Variants in PCK2 observed in about 807,000 individuals in gnomAD.
PCK2 encodes phosphoenolpyruvate carboxykinase 2, mitochondrial.
In PCK2, 56 loss-of-function variants were observed where a neutral mutation model predicts 65.9. That is an observed-to-expected ratio of 0.85 (90% CI 0.69 to 1.06). The LOEUF is 1.06. PCK2 is among the 50% of genes least tolerant of loss of function. PCK2 has a pLI of 0.00. For synonymous variants in PCK2, 305 were observed against 319.6 expected (o/e 0.95, Z 0.49); for missense variants, 843 against 863.1 (o/e 0.98, Z 0.29).
chr14:24,098,983 C>A (rs917516876), intron 4 of PCK2, 66 bp from the exon 5 acceptor site: 3 of 1,265,538 alleles, frequency 2.4e-6, no homozygotes, highest in Non-Finnish European at 3.4e-6. Flanking sequence ...ATCCCTGATC[C>A]CTCTGGCCCC....
At position 24,103,729 on chromosome 14, in the gene PCK2, AG is replaced by A. The variant is rs1294777562; in HGVS notation, c.1693del (p.Glu565ArgfsTer26). ...RVLDWICRRL[E>X]GEDSARETPI... is the part of the protein sequence containing the mutation. ...CTAGACTGGATCTGCCGGCGGTTAG[AG>A]GGGGAGGACAGTGCCCGAGAGACAC... On this transcript the variant is annotated frameshift_variant, in exon 10 of 10. Coordinates refer to ENST00000216780, the MANE Select transcript of PCK2 (RefSeq NM_004563.4). LOFTEE classifies it high-confidence loss of function. The A allele has an allele frequency of 1.2e-6, 2 of 1,613,848 alleles. No homozygotes were observed. Among genetic ancestry groups the A allele is most frequent in the African/African-American group, 1.3e-5 (1 of 74,756 alleles).
In PCK2 at chr14:24,103,141, C is replaced by G. The variant is rs2138975964; in HGVS notation, c.1373-19C>G. ...CCAAAGAAAAGGGCTGCCTGTGACT[C>G]TGTTCATTGGTGATCTAGGGGTACC... On this transcript the variant is annotated intron_variant, in intron 8 of 9. Transcript: ENST00000216780. 1.3e-6 allele frequency: 2 copies of G among 1,591,240 alleles called. No homozygotes were observed. The highest frequency in any genetic ancestry group is 1.7e-6 in the Non-Finnish European group (2 of 1,159,326).
At chr14:24,099,817 T>G in intron 6 of PCK2, 97 bp downstream of exon 6, 1 of 1,510,556 alleles carries the variant, frequency 6.6e-7, no homozygotes, top group Non-Finnish European at 9.2e-7. Context: ...GTGAGAAAGT[T>G]TCCTGAACAC....
intron 7 of PCK2, chr14:24,100,611 C>A: frequency 9.5e-7 from 1 of 1,051,858 alleles, no homozygotes; most frequent in Non-Finnish European, 1.2e-6. Flanking sequence ...GACTTTTGAA[C>A]ATTCTTACAG....
At chr14:24,102,623 C>T (rs2037205278) in intron 7 of PCK2, 130 bp from the exon 8 acceptor site, 6 of 738,032 alleles carry the variant, frequency 8.1e-6, no homozygotes, top group South Asian at 7.8e-5. Context: ...TGCTCCTTAT[C>T]ACACAAGGTT....
intron 1 of PCK2, 33 bp from the exon 2 acceptor site, chr14:24,096,859 G>A: frequency 6.3e-7 from 1 of 1,594,156 alleles, no homozygotes; most frequent in Non-Finnish European, 8.6e-7. Context: ...CTCGATGACA[G>A]CAACTAGCTC....
chr14:24,100,105 AC>A lies in PCK2; in HGVS notation c.1128del (p.Asn377MetfsTer25). 1 of 1,612,496 alleles carries A rather than the reference AC, an allele frequency of 6.2e-7. No individual in the cohort carries two copies. Among genetic ancestry groups the A allele is most frequent in the Non-Finnish European group, 8.5e-7 (1 of 1,179,134 alleles). ...TACAATCCAGAGTAACACTATTTTT[AC>A]CAATGTGGCTGAGACCAGTGATGGT... ...MATIQSNTIF[T>X]NVAETSDGGV... On this transcript the variant is annotated frameshift_variant, in exon 7 of 10. Transcript: ENST00000216780. LOFTEE classifies it high-confidence loss of function.
rs752109623 is a variant in PCK2 at position 24,099,624 on chromosome 14, G to A, written c.919G>A (p.Gly307Ser). ...YVAAAFPSAC[G>S]KTNLAMMRPA... ...GGCAGCCGCCTTCCCTAGTGCCTGT[G>A]GCAAGACCAACCTGGCTATGATGCG... The change falls in exon 6 of 10, where the codon GGC (glycine) becomes AGC (serine). Residue 307 changes from glycine to serine, a missense_variant. Gly to Ser is a moderately conservative substitution (Grantham distance 56). Transcript: ENST00000216780. The A allele has an allele frequency of 6.2e-7, 1 of 1,614,024 alleles. No individual in the cohort carries two copies. Among genetic ancestry groups the A allele is most frequent in the East Asian group, 2.2e-5 (1 of 44,888 alleles).
chr14:24,103,653 G>A lies in PCK2; in HGVS notation c.1612G>A (p.Asp538Asn), dbSNP rs1391686524. ...CTTCCATGTCAACTGGTTCCGGCGT[G>A]ACGAGGCAGGGCACTTCCTGTGGCC... ...RIFHVNWFRR[D>N]EAGHFLWPGF... is the part of the protein sequence containing the mutation. Residue 538 changes from aspartate (D) to asparagine (N), a missense_variant, in exon 10 of 10, where the codon GAC becomes AAC. Physicochemically the swap from Asp to Asn is conservative, Grantham distance 23. Coordinates refer to ENST00000216780, the MANE Select transcript of PCK2 (RefSeq NM_004563.4). 2.5e-6 allele frequency: 4 copies of A among 1,614,112 alleles called. No individual in the cohort carries two copies. The highest frequency in any genetic ancestry group is 3.4e-6 in the Non-Finnish European group (4 of 1,180,034).
In PCK2 at chr14:24,097,231, G is replaced by T; in HGVS notation, c.275+94G>T. ...TCAACTTAACTAGAACATCCCAATG[G>T]AATGAACAAGAATGAGAGCTTTGGG... is the stretch of plus-strand genomic sequence containing the variant. On this transcript the variant is annotated intron_variant, in intron 2 of 9. Coordinates refer to ENST00000216780, the MANE Select transcript of PCK2 (RefSeq NM_004563.4). The T allele has an allele frequency of 6.3e-6, 7 of 1,104,098 alleles. No homozygotes were observed. The South Asian group carries it at 8.5e-5, about 13-fold the overall frequency. The allele number at this position is 1,104,098 out of a possible 1,614,324, so 68.4% of individuals were successfully genotyped here.
In PCK2 at chr14:24,100,139, A is replaced by AC. The variant is rs768602121; in HGVS notation, c.1161dup (p.Trp388LeufsTer5). 2 of 1,613,776 alleles carry AC rather than the reference A, an allele frequency of 1.2e-6. No individual in the cohort carries two copies. The highest frequency in any genetic ancestry group is 2.7e-5 in the African/African-American group (2 of 74,916). On this transcript the variant is annotated frameshift_variant, in exon 7 of 10. Transcript: ENST00000216780. LOFTEE classifies it high-confidence loss of function. ...GCTGAGACCAGTGATGGTGGCGTGT[A>AC]CTGGGAGGGCATTGACCAGCCTCTT...
rs1382957612 is a variant in PCK2, at chr14:24,099,080, A to T, written c.696A>T (p.Pro232=). The change falls in exon 5 of 10, where the codon CCA becomes CCT. Residue 232 remains proline, a synonymous_variant. Transcript: ENST00000216780. Reference sequence around the variant, plus strand: ...CAGTGAGCCAGTGGCCGTGCAACCCAGAGAAAACCCTGATTGGCCACGTGC... The same window carrying T: ...CAGTGAGCCAGTGGCCGTGCAACCCTGAGAAAACCCTGATTGGCCACGTGC... ...GEPVSQWPCN[P]EKTLIGHVPD... 2 of 1,609,176 alleles carry T rather than the reference A, an allele frequency of 1.2e-6. No individual in the cohort carries two copies. Among genetic ancestry groups the T allele is most frequent in the Admixed American group, 3.3e-5 (2 of 59,936 alleles).
At chr14:24,096,228 CTTTTTTTTTTTTTTT>C (rs34592767) in intron 1 of PCK2, among the ~76,000 whole-genome samples, 1 of 58,848 alleles carries the variant, frequency 1.7e-5, no homozygotes, top group Non-Finnish European at 2.9e-5. Context: ...CTACTCATTT[CTTTTTTTTTTTTTTT>C]TTTTTTTTTT....
Position 24,103,207 on chromosome 14 carries a change from G to A in PCK2, c.1420G>A (p.Val474Met), listed in dbSNP as rs941090276. The A allele has an allele frequency of 1.2e-5, 20 of 1,614,180 alleles. No individual in the cohort carries two copies. Among genetic ancestry groups the A allele is most frequent in the Middle Eastern group, 1.6e-4 (1 of 6,062 alleles). The change falls in exon 9 of 10, where the codon GTG (valine) becomes ATG (methionine). Residue 474 changes from valine to methionine, a missense_variant. Val to Met is a conservative substitution (Grantham distance 21). Transcript: ENST00000216780. Reference protein sequence around the residue: ...EAFNWRHGVFVGSAMRSESTA... With the variant: ...EAFNWRHGVFMGSAMRSESTA... The stretch of plus-strand genomic sequence containing the variant: ...CTTCAACTGGCGTCATGGGGTGTTT[G>A]TGGGCAGCGCCATGCGCTCTGAGTC...
chr14:24,096,519 G>A (rs1452939393), intron 1 of PCK2, among the ~76,000 whole-genome samples: 1 of 152,078 alleles, frequency 6.6e-6, no homozygotes, highest in Non-Finnish European at 1.5e-5. Flanking sequence ...ACAGGCATGA[G>A]CCACCGTGCC....
rs375985792 is a variant in PCK2, at chr14:24,099,604, C to A, written c.899C>A (p.Ala300Asp). 44 of 1,612,372 alleles carry A rather than the reference C, an allele frequency of 2.7e-5. No individual in the cohort carries two copies. The highest frequency in any genetic ancestry group is 5.0e-5 in the Admixed American group (3 of 59,930). Residue 300 changes from alanine (A) to aspartate (D), a missense_variant, in exon 6 of 10, where the codon GCC (alanine) becomes GAC (aspartate). Transcript: ENST00000216780. ...GCAGGGAAGAAGCGCTATGTGGCAG[C>A]CGCCTTCCCTAGTGCCTGTGGCAAG... is the stretch of plus-strand genomic sequence containing the variant. ...SPAGKKRYVA[A>D]AFPSACGKTN...
At position 24,094,863 on chromosome 14, in the gene PCK2, G is replaced by A; in HGVS notation, c.29+429G>A. On this transcript the variant is annotated intron_variant, in intron 1 of 9. Transcript: ENST00000216780. This position sits in a 1 kb window ranked among gnomAD's most constrained non-coding sequence, Gnocchi z 4.1. ...GGACAAGGGTACGTGAGCCCCGGGA[G>A]ACTAAGCTCAGAGCCCCCTAAAGAA... 1 of 1,302,328 alleles carries A rather than the reference G, an allele frequency of 7.7e-7. No homozygotes were observed. Among genetic ancestry groups the A allele is most frequent in the Admixed American group, 2.3e-5 (1 of 43,956 alleles). 80.7% of individuals were successfully genotyped at this position (1,302,328 alleles called of 1,614,324 possible).
rs139247911 is a variant in PCK2 at position 24,096,418 on chromosome 14, T to G, written c.30-474T>G. 1.5e-3 allele frequency among the ~76,000 whole-genome samples: 222 copies of G among 152,184 alleles called. 1 individual carries two copies. The highest frequency in any genetic ancestry group is 5.1e-3 in the African/African-American group (211 of 41,512). ...CACATCCGGCTAATTTTTATATTTT[T>G]AGTAGATGGGGTTTCACCATGTTGC... On this transcript the variant is annotated intron_variant, in intron 1 of 9. Transcript: ENST00000216780.
Position 24,103,191 on chromosome 14 carries a change from GC to G in PCK2, c.1405del (p.Arg469ValfsTer48). On this transcript the variant is annotated frameshift_variant, in exon 9 of 10. Coordinates refer to ENST00000216780, the MANE Select transcript of PCK2 (RefSeq NM_004563.4). LOFTEE classifies it high-confidence loss of function. Reference sequence around the variant, plus strand: ...CCCTGGTATACGAGGCCTTCAACTGGCGTCATGGGGTGTTTGTGGGCAGCGC... The same window carrying G: ...CCCTGGTATACGAGGCCTTCAACTGGGTCATGGGGTGTTTGTGGGCAGCGC... The part of the protein sequence containing the change: ...VPLVYEAFNW[R>X]HGVFVGSAMR... 6.2e-7 allele frequency: 1 copy of G among 1,614,088 alleles called. No individual in the cohort carries two copies. Among genetic ancestry groups the G allele is most frequent in the Non-Finnish European group, 8.5e-7 (1 of 1,179,942 alleles).
Sources: allele counts gnomAD v4.1 joint callset (sites outside exome capture counted in the v4.1 genomes callset), GRCh38; gene constraint gnomAD v4.1.1; non-coding constraint Gnocchi (gnomAD v3.1); transcripts MANE v1.5; gene names NCBI Gene and HGNC (gene_info 2026-07-23, HGNC 2026-07-21).